The following CFAP20DC variants were observed in gnomAD, a reference collection of about 807,000 sequenced individuals.
CFAP20DC encodes the protein protein CFAP20DC.
A neutral mutation model predicts 101.7 loss-of-function variants in CFAP20DC; 84 were observed. The observed-to-expected ratio is 0.83, with a 90% CI of 0.69 to 0.99. The LOEUF is 0.99. CFAP20DC is among the 50% of genes least tolerant of loss of function. The pLI is 0.00. For synonymous variants in CFAP20DC, 359 were observed against 351.2 expected, an observed-to-expected ratio of 1.02 and a Z score of -0.25; for missense variants, 1,007 against 970.3, an observed-to-expected ratio of 1.04 and a Z score of -0.50.
At position 59,005,195 on chromosome 3, in the gene CFAP20DC, G is replaced by C. The variant is rs113312918; in HGVS notation, c.278+34362C>G. On this transcript the variant is annotated intron_variant, in intron 4 of 16. Coordinates refer to ENST00000482387, the MANE Select transcript of CFAP20DC (RefSeq NM_001394063.1). ...CAGTTGTGTCTCTACCAATGCCATG[G>C]GAGGGGCCTTGGTGGCTTCTGTTTT... 5.7e-3 allele frequency among the ~76,000 whole-genome samples: 865 copies of C among 152,140 alleles called. 8 individuals are homozygous for C. Among genetic ancestry groups the C allele is most frequent in the African/African-American group, 0.02 (835 of 41,506 alleles).
intron 14 of CFAP20DC, chr3:58,824,303 A>G (rs1238393299): frequency 6.6e-6 from 1 of 152,204 alleles, no homozygotes; most frequent in East Asian, 1.9e-4. Context: ...TTATATTTTG[A>G]ATACACAGCA....
intron 15 of CFAP20DC, among the ~76,000 whole-genome samples, chr3:58,792,678 G>A (rs1478968202): frequency 6.6e-6 from 1 of 150,794 alleles, no homozygotes; most frequent in Non-Finnish European, 1.5e-5. Flanking sequence ...ATTGAAATTT[G>A]AACTACTTTT....
rs1443699088 is a variant in CFAP20DC at position 58,863,792 on chromosome 3, C to T, written c.1359G>A (p.Leu453=). Residue 453 remains leucine, a synonymous_variant, in exon 12 of 17, where the codon CTG becomes CTA. Transcript: ENST00000482387. The surrounding 1 kb of genome is among the most constrained non-coding windows in gnomAD (Gnocchi z 5.9). The part of the protein sequence containing the change: ...LGDDSCNPSH[L]WLEASKESEH... Reference sequence around the variant, plus strand: ...CACTCTCTTTGCTGGCTTCCAGCCACAGGTGTGATGGGTTGCAGGAGTCAT... The same window carrying T: ...CACTCTCTTTGCTGGCTTCCAGCCATAGGTGTGATGGGTTGCAGGAGTCAT... 3.1e-6 allele frequency: 5 copies of T among 1,614,218 alleles called. No individual in the cohort carries two copies. The highest frequency in any genetic ancestry group is 4.2e-6 in the Non-Finnish European group (5 of 1,180,040).
At chr3:59,016,271 G>A (rs949124702) in intron 4 of CFAP20DC, among the ~76,000 whole-genome samples, 1 of 152,092 alleles carries the variant, frequency 6.6e-6, no homozygotes, top group African/African-American at 2.4e-5. Context: ...AACTAAGTCA[G>A]ACATTATGTT....
At chr3:58,772,222 T>C (rs1368622624) in intron 15 of CFAP20DC, among the ~76,000 whole-genome samples, 3 of 152,200 alleles carry the variant, frequency 2.0e-5, no homozygotes, top group African/African-American at 7.2e-5. Context: ...CTCATAGTTA[T>C]TGAGTGTCTT....
intron 15 of CFAP20DC, among the ~76,000 whole-genome samples, chr3:58,767,822 A>G (rs2107463667): frequency 6.6e-6 from 1 of 152,338 alleles, no homozygotes; most frequent in Non-Finnish European, 1.5e-5. Context: ...AAACCCTTCC[A>G]CAACATTCCC....
chr3:58,976,865 C>T (rs140858230), intron 4 of CFAP20DC, among the ~76,000 whole-genome samples: 2 of 152,228 alleles, frequency 1.3e-5, no homozygotes, highest in Non-Finnish European at 2.9e-5. Flanking sequence ...GGTGTCCTGT[C>T]CAGGTGGGTT....
chr3:58,917,928 C>T (rs370695899), intron 5 of CFAP20DC, among the ~76,000 whole-genome samples: 34 of 152,248 alleles, frequency 2.2e-4, no homozygotes, highest in African/African-American at 8.2e-4. Flanking sequence ...GGGCAAGTTT[C>T]TTGCAGAAGT....
chr3:58,907,445 C>T (rs1258365068), intron 6 of CFAP20DC, among the ~76,000 whole-genome samples: 1 of 152,176 alleles, frequency 6.6e-6, no homozygotes. Flanking sequence ...TGCATCATCC[C>T]GGGGTCTGGT....
At chr3:58,866,768 G>A in intron 10 of CFAP20DC, 80 bp from the exon 11 acceptor site, 6 of 922,286 alleles carry the variant, frequency 6.5e-6, no homozygotes, top group South Asian at 1.8e-5. Flanking sequence ...GGTTTACTTT[G>A]GTATACTTTA....
At chr3:59,047,562 T>C (rs1699962176) in intron 1 of CFAP20DC, among the ~76,000 whole-genome samples, 1 of 152,230 alleles carries the variant, frequency 6.6e-6, no homozygotes, top group African/African-American at 2.4e-5. Context: ...CAGATCATTC[T>C]TGCAAAACAT....
At chr3:58,879,114 C>T (rs947513148) in intron 7 of CFAP20DC, among the ~76,000 whole-genome samples, 1 of 152,024 alleles carries the variant, frequency 6.6e-6, no homozygotes, top group African/African-American at 2.4e-5. Flanking sequence ...GTTCCCTCAT[C>T]TACAAAATAG....
At chr3:58,792,153 A>C (rs2072912175) in intron 15 of CFAP20DC, among the ~76,000 whole-genome samples, 1 of 152,208 alleles carries the variant, frequency 6.6e-6, no homozygotes, top group Non-Finnish European at 1.5e-5. Flanking sequence ...AGTTGAGAGA[A>C]CGTTAGAAGA....
Position 58,806,389 on chromosome 3 carries a change from T to C in CFAP20DC, c.2237+6A>G. 6.4e-7 allele frequency: 1 copy of C among 1,570,126 alleles called. No homozygotes were observed. The highest frequency in any genetic ancestry group is 8.8e-7 in the Non-Finnish European group (1 of 1,140,016). ...TTCTTAAATGTAGATTATTAATGATTCTTACCGGGGATTAGAAGGAGAAGG... is the reference window on the plus strand; with the variant it reads ...TTCTTAAATGTAGATTATTAATGATCCTTACCGGGGATTAGAAGGAGAAGG... On this transcript the variant is annotated splice_donor_region_variant and intron_variant, in intron 15 of 16. Coordinates refer to ENST00000482387, the MANE Select transcript of CFAP20DC (RefSeq NM_001394063.1).
In CFAP20DC at chr3:58,993,557, C is replaced by T. The variant is rs2108644887; in HGVS notation, c.278+46000G>A. Among the ~76,000 whole-genome samples the T allele has an allele frequency of 2.0e-5, 3 of 152,234 alleles. No homozygotes were observed. The South Asian group carries it at 6.2e-4, about 32-fold the overall frequency. On this transcript the variant is annotated intron_variant, in intron 4 of 16. Coordinates refer to ENST00000482387, the MANE Select transcript of CFAP20DC (RefSeq NM_001394063.1). Reference sequence around the variant, plus strand: ...AGGTATTAAGCTCATCACCCATTAGCTATTCTTCCTGATGCTCTCCCTCCT... The same window carrying T: ...AGGTATTAAGCTCATCACCCATTAGTTATTCTTCCTGATGCTCTCCCTCCT...
intron 4 of CFAP20DC, among the ~76,000 whole-genome samples, chr3:58,942,058 C>CT (rs2088685478): frequency 6.6e-6 from 1 of 152,066 alleles, no homozygotes; most frequent in African/African-American, 2.4e-5. Context: ...TTTAGACATT[C>CT]TTTTTTCAAT....
intron 7 of CFAP20DC, 113 bp from the exon 8 acceptor site, chr3:58,870,422 C>G (rs1576039916): frequency 1.0e-6 from 1 of 980,094 alleles, no homozygotes; most frequent in East Asian, 2.4e-5. Context: ...AATCCCCCCT[C>G]CCCCCTCAGC....
At chr3:58,849,511 G>A (rs1381509230) in intron 12 of CFAP20DC, 102 bp from the exon 13 acceptor site, 1 of 882,426 alleles carries the variant, frequency 1.1e-6, no homozygotes, top group Non-Finnish European at 1.7e-6. Flanking sequence ...TATGAATAAA[G>A]CAAAAGCATC....
rs1362442001 is a variant in CFAP20DC, at chr3:59,007,598, T to C, written c.278+31959A>G. ...ACTAAACATGTCTACAACTAAGGAC[T>C]CTCACAGAGCCTACATCACTGCCGT... is the stretch of plus-strand genomic sequence containing the variant. On this transcript the variant is annotated intron_variant, in intron 4 of 16. Transcript: ENST00000482387. This position sits in a 1 kb window ranked among gnomAD's most constrained non-coding sequence, Gnocchi z 4.4. 1.3e-5 allele frequency among the ~76,000 whole-genome samples: 2 copies of C among 152,212 alleles called. No homozygotes were observed.
Sources: gnomAD v4.1 joint callset for allele counts (sites outside exome capture counted in the v4.1 genomes callset) on GRCh38, gnomAD v4.1.1 for gene constraint, Gnocchi (gnomAD v3.1) non-coding constraint, MANE v1.5 for transcripts, NCBI Gene and HGNC (gene_info 2026-07-23, HGNC 2026-07-21) for gene names.